Variants in MS4A12 observed in about 807,000 individuals in gnomAD.
The protein encoded by MS4A12 is membrane-spanning 4-domains subfamily A member 12.
Under a neutral mutation model 23.7 loss-of-function variants are expected in MS4A12, and 28 were observed. The observed-to-expected ratio is 1.18, with a 90% CI of 0.88 to 1.62. The LOEUF (loss-of-function observed/expected upper bound fraction) is 1.62. MS4A12 is among the 40% of genes most tolerant of loss of function. The pLI is 0.00. For missense variants in MS4A12, 342 were observed against 327.0 expected (o/e 1.05, Z -0.35); for synonymous variants, 108 against 110.1 (o/e 0.98, Z 0.12).
At position 60,507,273 on chromosome 11, in the gene MS4A12, T is replaced by C. The variant is rs1590865101; in HGVS notation, c.*149T>C. ...TTTTAGGTTGGTCGCTAATGATGGC[T>C]GTATCTCCCTTCACTGTCTCTTCCT... On this transcript the variant is annotated 3_prime_UTR_variant, in exon 7 of 7. Coordinates refer to ENST00000016913, the MANE Select transcript of MS4A12 (RefSeq NM_017716.3). 1.6e-6 allele frequency: 1 copy of C among 638,828 alleles called. No homozygotes were observed. Among genetic ancestry groups the C allele is most frequent in the Non-Finnish European group, 2.7e-6 (1 of 365,070 alleles). The allele number at this position is 638,828 out of a possible 1,614,324, so 39.6% of individuals were successfully genotyped here.
chr11:60,494,433 C>T (rs4939376), intron 1 of MS4A12, among the ~76,000 whole-genome samples: 85,355 of 151,996 alleles, frequency 0.56, 24,060 homozygotes, highest in East Asian at 0.64. Context: ...GAAACGTGGA[C>T]AATTCTTTAA....
intron 5 of MS4A12, among the ~76,000 whole-genome samples, chr11:60,505,064 T>G (rs1430789753): frequency 6.6e-6 from 1 of 152,200 alleles, no homozygotes; most frequent in Admixed American, 6.5e-5. Flanking sequence ...GAAGGTGTAT[T>G]AGTTTGTTTT....
At position 60,507,210 on chromosome 11, in the gene MS4A12, A is replaced by G. The variant is rs577132569; in HGVS notation, c.*86A>G. 3.1e-5 allele frequency: 34 copies of G among 1,100,412 alleles called. No individual in the cohort carries two copies. Among genetic ancestry groups the G allele is most frequent in the South Asian group, 1.6e-4 (12 of 74,570 alleles). The allele number at this position is 1,100,412 out of a possible 1,614,324, so 68.2% of individuals were successfully genotyped here. ...AAGAAGATGTCTTTTATTGTCTACA[A>G]TGATTTCTAGTCTTTAAAAACTGTG... On this transcript the variant is annotated 3_prime_UTR_variant, in exon 7 of 7. Transcript: ENST00000016913.
chr11:60,497,662 TATC>T (rs1382727562), intron 2 of MS4A12, 68 bp downstream of exon 2: 1 of 1,502,290 alleles, frequency 6.7e-7, no homozygotes, highest in South Asian at 1.2e-5. Flanking sequence ...TATAGGAGAG[TATC>T]ATCCAATTGC....
rs556326036 is a variant in MS4A12 at position 60,497,425 on chromosome 11, C to A, written c.107C>A (p.Ser36Ter). ...CCTGGATTTCAACAGCCTCTGGGTT[C>A]AATCAACTTAGAAAACCAAGCTCAG... ...MAPGFQQPLG[S>*]INLENQAQGA... Residue 36 changes from serine to a stop codon, truncating the protein, a stop_gained, in exon 2 of 7, where the codon TCA becomes TAA. Transcript: ENST00000016913. LOFTEE classifies it high-confidence loss of function. The A allele has an allele frequency of 1.4e-5, 23 of 1,614,164 alleles. No individual in the cohort carries two copies. In the East Asian group the frequency reaches 4.9e-4, roughly 34 times the overall value.
intron 4 of MS4A12, among the ~76,000 whole-genome samples, 165 bp downstream of exon 4, chr11:60,502,204 C>T (rs777498781): frequency 2.0e-5 from 3 of 152,158 alleles, no homozygotes; most frequent in Non-Finnish European, 4.4e-5. Context: ...GAAAATGGTC[C>T]ACACAGTTTG....
chr11:60,497,123 A>ACAGGT (rs1348432212), intron 1 of MS4A12, among the ~76,000 whole-genome samples, 190 bp from the exon 2 acceptor site: 1 of 152,208 alleles, frequency 6.6e-6, no homozygotes, highest in Non-Finnish European at 1.5e-5. Flanking sequence ...CAGACCACAG[A>ACAGGT]CAGGTACCAG....
intron 2 of MS4A12, among the ~76,000 whole-genome samples, chr11:60,500,361 T>C (rs1447752752): frequency 6.6e-6 from 1 of 151,834 alleles, no homozygotes; most frequent in Admixed American, 6.6e-5. Context: ...AAAAGATTAA[T>C]TTGGTGTAAT....
At chr11:60,498,631 T>C (rs1316096746) in intron 2 of MS4A12, among the ~76,000 whole-genome samples, 3 of 152,186 alleles carry the variant, frequency 2.0e-5, no homozygotes, top group Non-Finnish European at 4.4e-5. Flanking sequence ...AATCAGACTG[T>C]ATACATAATA....
At chr11:60,500,946 G>T (rs1216852911) in intron 2 of MS4A12, 99 bp from the exon 3 acceptor site, 2 of 1,395,228 alleles carry the variant, frequency 1.4e-6, no homozygotes, top group Non-Finnish European at 1.9e-6. Context: ...ATGGATCTCA[G>T]CAAAATTGAC....
In MS4A12 at chr11:60,492,790, G is replaced by T. The variant is rs1454691277; in HGVS notation, c.-45G>T. The T allele has an allele frequency of 1.3e-5, 2 of 152,228 alleles. No individual in the cohort carries two copies. The highest frequency in any genetic ancestry group is 4.8e-5 in the African/African-American group (2 of 41,458). 9.4% of individuals were successfully genotyped at this position (152,228 alleles called of 1,614,324 possible). A position where few individuals can be genotyped will look rare whatever the true frequency, so the allele number is the denominator to read the frequency against. On this transcript the variant is annotated 5_prime_UTR_variant, in exon 1 of 7. Coordinates refer to ENST00000016913, the MANE Select transcript of MS4A12 (RefSeq NM_017716.3). ...ATCTGATACTGGCACACAGGTTGGA[G>T]CAGAGAAAGAGGAAACATAGAGGTG...
intron 1 of MS4A12, among the ~76,000 whole-genome samples, chr11:60,493,998 A>G (rs2086469728): frequency 6.6e-6 from 1 of 152,210 alleles, no homozygotes; most frequent in South Asian, 2.1e-4. Flanking sequence ...AAAAAGGACA[A>G]CTAGGGGTAA....
intron 1 of MS4A12, among the ~76,000 whole-genome samples, chr11:60,497,018 T>C (rs926421959): frequency 6.6e-6 from 1 of 152,198 alleles, no homozygotes; most frequent in African/African-American, 2.4e-5. Flanking sequence ...CATGCTGCTA[T>C]GAGAATCCAA....
chr11:60,494,633 CT>C (rs2086474277), intron 1 of MS4A12, among the ~76,000 whole-genome samples: 1 of 152,086 alleles, frequency 6.6e-6, no homozygotes, highest in South Asian at 2.1e-4. Context: ...ATAATAGTTC[CT>C]TTTTAAGCTC....
Position 60,501,035 on chromosome 11 carries a change from CT to C in MS4A12, c.277-4del, listed in dbSNP as rs1469231422. The stretch of plus-strand genomic sequence containing the variant: ...AGAAGTAATTTTAAATGGCTGTTTT[CT>C]TTTTTCAGGTGATCCAGATCATGGT... On this transcript the variant is annotated splice_polypyrimidine_tract_variant and intron_variant, in intron 2 of 6. Transcript: ENST00000016913. The C allele has an allele frequency of 1.9e-6, 3 of 1,586,914 alleles. No homozygotes were observed. The highest frequency in any genetic ancestry group is 2.7e-5 in the African/African-American group (2 of 72,778).
intron 4 of MS4A12, 59 bp from the exon 5 acceptor site, chr11:60,503,642 A>G (rs1403728311): frequency 1.6e-6 from 2 of 1,282,508 alleles, no homozygotes; most frequent in Admixed American, 2.2e-5. Context: ...ATTGATTCTT[A>G]TCTCACTTAA....
chr11:60,499,036 G>T (rs10792281), intron 2 of MS4A12, among the ~76,000 whole-genome samples: 87,007 of 152,014 alleles, frequency 0.57, 25,062 homozygotes, highest in East Asian at 0.65. Flanking sequence ...AACCACTGAA[G>T]CATGCTGCCC....
chr11:60,504,716 C>A (rs1385938189), intron 5 of MS4A12, among the ~76,000 whole-genome samples: 4 of 152,108 alleles, frequency 2.6e-5, no homozygotes, highest in Admixed American at 2.0e-4. Context: ...TTTCCTTTAT[C>A]AGTTCACTCA....
intron 1 of MS4A12, among the ~76,000 whole-genome samples, chr11:60,496,592 TC>T (rs1422323261): frequency 6.6e-6 from 1 of 152,246 alleles, no homozygotes; most frequent in Non-Finnish European, 1.5e-5. Context: ...TGGACTGCCC[TC>T]CTTGCCATAC....
Sources: gnomAD v4.1 joint callset for allele counts (sites outside exome capture counted in the v4.1 genomes callset) on GRCh38, gnomAD v4.1.1 for gene constraint, MANE v1.5 for transcripts, NCBI Gene and HGNC (gene_info 2026-07-23, HGNC 2026-07-21) for gene names.